The following FGFRL1 variants were observed in gnomAD, a reference collection of about 807,000 sequenced individuals.
The protein encoded by FGFRL1 is fibroblast growth factor receptor like 1, also known as fibroblast growth factor receptor-like 1.
In FGFRL1, 24 loss-of-function variants were observed where a neutral mutation model predicts 36.8. That is an observed-to-expected ratio of 0.65 (90% confidence interval 0.47 to 0.92). The LOEUF (loss-of-function observed/expected upper bound fraction) is 0.92. FGFRL1 is among the 40% of genes least tolerant of loss of function. FGFRL1 has a pLI of 0.00. For synonymous variants in FGFRL1, 422 were observed against 344.1 expected (o/e 1.23, Z -2.50); for missense variants, 785 against 753.4 (o/e 1.04, Z -0.49).
Position 1,026,400 on chromosome 4 carries a change from C to G in FGFRL1, c.*1053C>G, listed in dbSNP as rs1577575052. 6.3e-6 allele frequency: 1 copy of G among 159,044 alleles called. No homozygotes were observed. Among genetic ancestry groups the G allele is most frequent in the Non-Finnish European group, 1.4e-5 (1 of 72,524 alleles). 9.9% of individuals were successfully genotyped at this position (159,044 alleles called of 1,614,324 possible). On this transcript the variant is annotated 3_prime_UTR_variant, in exon 7 of 7. Transcript: ENST00000510644. ...TAGTTGATGAGGGACTTTCCCTGCT[C>G]CACCGTCACTCCCCCAACTCTGCCC...
At chr4:1,010,795 G>C (rs573757505), upstream of FGFRL1, 2 of 152,376 alleles carry the variant, frequency 1.3e-5, no homozygotes, top group African/African-American at 4.8e-5. Flanking sequence ...GCCGCGAAGA[G>C]CTGGGCGCTG....
rs1225958019 is a variant in FGFRL1 at position 1,023,737 on chromosome 4, C to T, written c.433+16C>T. 2.4e-5 allele frequency: 16 copies of T among 662,252 alleles called. No homozygotes were observed. The highest frequency in any genetic ancestry group is 7.6e-5 in the South Asian group (5 of 65,614). The allele number at this position is 662,252 out of a possible 1,614,324, so 41.0% of individuals were successfully genotyped here. Reference sequence around the variant, plus strand: ...CAGCAGTGGGGTGAGCAGGGGGTGACGGGGGTGGGGGGCGTCCGTCTGTCC... The same window carrying T: ...CAGCAGTGGGGTGAGCAGGGGGTGATGGGGGTGGGGGGCGTCCGTCTGTCC... On this transcript the variant is annotated intron_variant, in intron 4 of 6. Transcript: ENST00000510644. The surrounding 1 kb of genome is among the most constrained non-coding windows in gnomAD (Gnocchi z 6.0).
At chr4:1,014,302 G>A (rs775785570) in intron 2 of FGFRL1, among the ~76,000 whole-genome samples, 1 of 152,026 alleles carries the variant, frequency 6.6e-6, no homozygotes, top group Non-Finnish European at 1.5e-5. Flanking sequence ...AAAAAATATA[G>A]GAATTGGCTT....
rs1435284897 is a variant in FGFRL1, at chr4:1,012,556, C to T, written c.71C>T (p.Ala24Val). ...LLLGAFPPAA[A>V]ARGPPKMADK... ...CTGGGGGCCTTCCCGCCGGCCGCCG[C>T]CGCCCGAGGTGAGTTCTGGCGCCCA... The change falls in exon 2 of 7, where the codon GCC (alanine) becomes GTC (valine). Residue 24 changes from alanine to valine, a missense_variant. Physicochemically the swap from Ala to Val is moderately conservative, Grantham distance 64. Coordinates refer to ENST00000510644, the MANE Select transcript of FGFRL1 (RefSeq NM_001004356.3). 3.5e-6 allele frequency: 5 copies of T among 1,448,710 alleles called. No individual in the cohort carries two copies. The highest frequency in any genetic ancestry group is 4.6e-6 in the Non-Finnish European group (5 of 1,083,652). The allele number at this position is 1,448,710 out of a possible 1,614,324, so 89.7% of individuals were successfully genotyped here.
In FGFRL1 at chr4:1,022,768, G is replaced by C. The variant is rs558894478; in HGVS notation, c.352+293G>C. On this transcript the variant is annotated intron_variant, in intron 3 of 6. Transcript: ENST00000510644. ...TGGTCCCACAGAAGGGCTGGGGCCC[G>C]AGGCCTTGGCAGGGTGTGCCGGCCG... is the stretch of plus-strand genomic sequence containing the variant. Among the ~76,000 whole-genome samples, 5 of 152,338 alleles carry C rather than the reference G, an allele frequency of 3.3e-5. No individual in the cohort carries two copies. In the South Asian group the frequency reaches 1.0e-3, roughly 32 times the overall value.
In FGFRL1 at chr4:1,025,214, G is replaced by T. The variant is rs767542507; in HGVS notation, c.1382G>T (p.Gly461Val). 2 of 1,610,024 alleles carry T rather than the reference G, an allele frequency of 1.2e-6. No individual in the cohort carries two copies. Among genetic ancestry groups the T allele is most frequent in the Non-Finnish European group, 1.7e-6 (2 of 1,178,712 alleles). ...GSPAAPQHLL[G>V]PGPVAGPKLY... ...CCGGCAGCCCCCCAGCACTTACTGG[G>T]CCCAGGCCCAGTTGCTGGCCCTAAG... Residue 461 changes from glycine (G) to valine (V), a missense_variant, in exon 7 of 7, where the codon GGC becomes GTC. Transcript: ENST00000510644.
intron 2 of FGFRL1, among the ~76,000 whole-genome samples, chr4:1,015,391 G>C (rs557841133): frequency 6.6e-6 from 1 of 152,324 alleles, no homozygotes; most frequent in Admixed American, 6.5e-5. Flanking sequence ...AAGCCCCAGG[G>C]TGCCTGGCTG....
In FGFRL1 at chr4:1,022,378, G is replaced by A; in HGVS notation, c.255G>A (p.Lys85=). Residue 85 remains lysine, a synonymous_variant, in exon 3 of 7, where the codon AAG becomes AAA. Coordinates refer to ENST00000510644, the MANE Select transcript of FGFRL1 (RefSeq NM_001004356.3). Reference sequence around the variant, plus strand: ...TCCGCGTGCTGCCGCAGGGGCTGAAGGTGAAGCAGGTGGAGCGGGAGGATG... The same window carrying A: ...TCCGCGTGCTGCCGCAGGGGCTGAAAGTGAAGCAGGTGGAGCGGGAGGATG... ...SRFRVLPQGL[K]VKQVEREDAG... 1 of 1,610,988 alleles carries A rather than the reference G, an allele frequency of 6.2e-7. No homozygotes were observed. Among genetic ancestry groups the A allele is most frequent in the Middle Eastern group, 1.7e-4 (1 of 6,034 alleles).
At position 1,023,931 on chromosome 4, in the gene FGFRL1, C is replaced by T. The variant is rs762884996; in HGVS notation, c.548C>T (p.Thr183Met). Residue 183 changes from threonine (T) to methionine (M), a missense_variant, in exon 5 of 7, where the codon ACG (threonine) becomes ATG (methionine). Transcript: ENST00000510644. The surrounding 1 kb of genome is among the most constrained non-coding windows in gnomAD (Gnocchi z 6.0). ...AGCGGGCACCCTCGGCCCGACATCA[C>T]GTGGATGAAGGACGACCAGGCCTTG... is the stretch of plus-strand genomic sequence containing the variant. Reference protein sequence around the residue: ...VASGHPRPDITWMKDDQALTR... With the variant: ...VASGHPRPDIMWMKDDQALTR... 6.3e-6 allele frequency: 10 copies of T among 1,586,054 alleles called. No individual in the cohort carries two copies. The highest frequency in any genetic ancestry group is 3.4e-5 in the South Asian group (3 of 87,938).
In FGFRL1 at chr4:1,023,503, T is replaced by G. The variant is rs1716308664; in HGVS notation, c.353-138T>G. ...TGTCCCTGGGATTCTGGGCTGTGGG[T>G]GTGTGGCGCAGCCCCCTGCCTGGGT... On this transcript the variant is annotated intron_variant, in intron 3 of 6. Coordinates refer to ENST00000510644, the MANE Select transcript of FGFRL1 (RefSeq NM_001004356.3). This position sits in a 1 kb window ranked among gnomAD's most constrained non-coding sequence, Gnocchi z 6.0. 5 of 769,562 alleles carry G rather than the reference T, an allele frequency of 6.5e-6. No individual in the cohort carries two copies. Among genetic ancestry groups the G allele is most frequent in the South Asian group, 4.9e-5 (3 of 61,464 alleles). 47.7% of individuals were successfully genotyped at this position (769,562 alleles called of 1,614,324 possible). A position where few individuals can be genotyped will look rare whatever the true frequency, so the allele number is the denominator to read the frequency against.
rs1427913886 is a variant in FGFRL1, at chr4:1,024,013, C to T, written c.630C>T (p.Asn210=). The change falls in exon 5 of 7, where the codon AAC becomes AAT. Residue 210 remains asparagine, a synonymous_variant. Coordinates refer to ENST00000510644, the MANE Select transcript of FGFRL1 (RefSeq NM_001004356.3). ...RKKKWTLSLK[N]LRPEDSGKYT... is the part of the protein sequence containing the mutation. ...AGAAGTGGACACTGAGCCTGAAGAA[C>T]CTGCGGCCGGAGGACAGCGGCAAAT... 1.2e-6 allele frequency: 2 copies of T among 1,607,862 alleles called. No homozygotes were observed. The highest frequency in any genetic ancestry group is 1.7e-6 in the Non-Finnish European group (2 of 1,178,714).
Position 1,023,744 on chromosome 4 carries a change from G to A in FGFRL1, c.433+23G>A, listed in dbSNP as rs371934375. On this transcript the variant is annotated intron_variant, in intron 4 of 6. Coordinates refer to ENST00000510644, the MANE Select transcript of FGFRL1 (RefSeq NM_001004356.3). This position sits in a 1 kb window ranked among gnomAD's most constrained non-coding sequence, Gnocchi z 6.0. The stretch of plus-strand genomic sequence containing the variant: ...GGGGTGAGCAGGGGGTGACGGGGGT[G>A]GGGGGCGTCCGTCTGTCCCGGCCCC... The A allele has an allele frequency of 6.8e-5, 106 of 1,550,392 alleles. No homozygotes were observed. In the African/African-American group the frequency reaches 1.1e-3, roughly 16 times the overall value.
At position 1,021,449 on chromosome 4, in the gene FGFRL1, C is replaced by A. The variant is rs79802584; in HGVS notation, c.80-754C>A. Among the ~76,000 whole-genome samples, 789 of 152,200 alleles carry A rather than the reference C, an allele frequency of 5.2e-3. 10 individuals carry two copies. The highest frequency in any genetic ancestry group is 0.018 in the African/African-American group (743 of 41,506). ...GTCTCTCCAGAGGCTTGCTCTCTGA[C>A]CCCAGGGCCTTGGGGTCATGCCCCC... On this transcript the variant is annotated intron_variant, in intron 2 of 6. Transcript: ENST00000510644.
Position 1,018,881 on chromosome 4 carries a change from G to C in FGFRL1, c.80-3322G>C, listed in dbSNP as rs549135112. On this transcript the variant is annotated intron_variant, in intron 2 of 6. Coordinates refer to ENST00000510644, the MANE Select transcript of FGFRL1 (RefSeq NM_001004356.3). The stretch of plus-strand genomic sequence containing the variant: ...TTGGGCCGGCAACAGCAGGGGGTCC[G>C]GGGAGCCCAGGTGGGGGTGGGATAG... Among the ~76,000 whole-genome samples the C allele has an allele frequency of 7.2e-5, 11 of 152,274 alleles. No homozygotes were observed. The South Asian group carries it at 2.3e-3, about 32-fold the overall frequency.
At chr4:1,024,875 T>C in intron 6 of FGFRL1, 30 bp from the exon 7 acceptor site, 1 of 1,556,652 alleles carries the variant, frequency 6.4e-7, no homozygotes, top group Non-Finnish European at 8.6e-7. Flanking sequence ...GGCGTTCCCC[T>C]CCCTACCTCC....
At chr4:1,016,819 G>A (rs533353323) in intron 2 of FGFRL1, among the ~76,000 whole-genome samples, 71 of 152,212 alleles carry the variant, frequency 4.7e-4, no homozygotes, top group Non-Finnish European at 8.4e-4. Context: ...GCTGCGTGGC[G>A]GTCACCTGTT....
chr4:1,015,134 G>T (rs1377859928), intron 2 of FGFRL1, among the ~76,000 whole-genome samples: 1 of 152,200 alleles, frequency 6.6e-6, no homozygotes. Context: ...CCGCAGACTG[G>T]ACCCCGGCTG....
intron 2 of FGFRL1, among the ~76,000 whole-genome samples, chr4:1,018,248 A>AGT (rs917539945): frequency 6.7e-6 from 1 of 149,272 alleles, no homozygotes; most frequent in Non-Finnish European, 1.5e-5. Context: ...GTCTGGGGAC[A>AGT]GTGTGTGTGT....
At chr4:1,021,762 C>T (rs1430215093) in intron 2 of FGFRL1, among the ~76,000 whole-genome samples, 1 of 152,108 alleles carries the variant, frequency 6.6e-6, no homozygotes, top group African/African-American at 2.4e-5. Context: ...CCCCATCCCC[C>T]TACTGCCCTT....
Sources: allele counts gnomAD v4.1 joint callset (sites outside exome capture counted in the v4.1 genomes callset), GRCh38; gene constraint gnomAD v4.1.1; non-coding constraint Gnocchi (gnomAD v3.1); transcripts MANE v1.5; gene names NCBI Gene and HGNC (gene_info 2026-07-23, HGNC 2026-07-21).